Variants in KCNQ4 observed in about 807,000 individuals in gnomAD.
KCNQ4 encodes the protein potassium voltage-gated channel subfamily KQT member 4.
A neutral mutation model predicts 72.6 loss-of-function variants in KCNQ4; 31 were observed. The ratio of observed to expected loss-of-function variants is 0.43; its 90% CI spans 0.32 to 0.58. The LOEUF is 0.58. KCNQ4 is among the 20% of genes least tolerant of loss of function. The pLI is 0.08. For missense variants in KCNQ4, 869 were observed against 962.6 expected (o/e 0.90, Z 1.29); for synonymous variants, 405 against 403.7 (o/e 1.00, Z -0.04).
At position 40,817,158 on chromosome 1, in the gene KCNQ4, C is replaced by T; in HGVS notation, c.315-107C>T. 1.2e-6 allele frequency: 1 copy of T among 857,770 alleles called. No individual in the cohort carries two copies. 53.1% of individuals were successfully genotyped at this position (857,770 alleles called of 1,614,324 possible). A position where few individuals can be genotyped will look rare whatever the true frequency, so the allele number is the denominator to read the frequency against. On this transcript the variant is annotated intron_variant, in intron 1 of 13. Coordinates refer to ENST00000347132, the MANE Select transcript of KCNQ4 (RefSeq NM_004700.4). The surrounding 1 kb of genome is among the most constrained non-coding windows in gnomAD (Gnocchi z 5.5). ...CCAATTCTGATTTCCACATAATTTTCTGAAAATAATGTTCTCCTCTCTTGG... is the reference window on the plus strand; with the variant it reads ...CCAATTCTGATTTCCACATAATTTTTTGAAAATAATGTTCTCCTCTCTTGG...
intron 1 of KCNQ4, among the ~76,000 whole-genome samples, chr1:40,787,835 C>T (rs1023993131): frequency 1.3e-5 from 2 of 152,190 alleles, no homozygotes; most frequent in Admixed American, 1.3e-4. Flanking sequence ...CCCTTGCTGC[C>T]CCCTCTCAAA....
chr1:40,805,684 G>A (rs1647736706), intron 1 of KCNQ4, among the ~76,000 whole-genome samples: 1 of 152,190 alleles, frequency 6.6e-6, no homozygotes, highest in Non-Finnish European at 1.5e-5. Flanking sequence ...CTATGATAAT[G>A]CAGTGCCAAG....
At chr1:40,786,400 A>C (rs1647203375) in intron 1 of KCNQ4, among the ~76,000 whole-genome samples, 2 of 152,120 alleles carry the variant, frequency 1.3e-5, no homozygotes, top group Admixed American at 1.3e-4. Context: ...CCTCTCCAGG[A>C]GCTAATCCAC....
chr1:40,832,528 A>G (rs1332141845), intron 10 of KCNQ4, among the ~76,000 whole-genome samples: 2 of 152,210 alleles, frequency 1.3e-5, no homozygotes, highest in Admixed American at 6.5e-5. Context: ...TCTCTCATTC[A>G]GGGAAGAATG....
intron 11 of KCNQ4, among the ~76,000 whole-genome samples, chr1:40,834,485 C>T (rs577784665): frequency 1.3e-5 from 2 of 152,194 alleles, no homozygotes; most frequent in East Asian, 1.9e-4. Context: ...TGGGTCACAC[C>T]TGTAGTCCCA....
rs577823810 is a variant in KCNQ4 at position 40,834,986 on chromosome 1, G to A, written c.1633G>A (p.Ala545Thr). ...CAACAGGATTCTCAAGTTCCTGGTG[G>A]CCAAAAGGAAATTCAAGGAGACACT... is the stretch of plus-strand genomic sequence containing the variant. ...RSIRILKFLV[A>T]KRKFKETLRP... Residue 545 changes from alanine to threonine, a missense_variant, in exon 12 of 14, where the codon GCC becomes ACC. Around this residue, in one of 5 missense-constraint regions of KCNQ4, gnomAD observed 480 missense variants for 501.9 expected, o/e 0.96. Transcript: ENST00000347132. The A allele has an allele frequency of 2.5e-6, 4 of 1,613,770 alleles. No homozygotes were observed. The East Asian group carries it at 6.7e-5, about 27-fold the overall frequency.
At chr1:40,838,034 T>G (rs962272764) in intron 13 of KCNQ4, among the ~76,000 whole-genome samples, 2 of 143,052 alleles carry the variant, frequency 1.4e-5, no homozygotes, top group Non-Finnish European at 3.0e-5. Context: ...TAAGCCTACC[T>G]CAGTTCCCCC....
chr1:40,838,530 T>C lies in KCNQ4; in HGVS notation c.*7T>C, dbSNP rs537008263. 92 of 1,613,550 alleles carry C rather than the reference T, an allele frequency of 5.7e-5. No individual in the cohort carries two copies. The African/African-American group carries it at 1.2e-3, about 20-fold the overall frequency. ...CAGCACCAACATGGACTGAGGGACT[T>C]CTCAGAGGCAGGGCAGCACACGGCC... On this transcript the variant is annotated 3_prime_UTR_variant, in exon 14 of 14. Transcript: ENST00000347132.
intron 9 of KCNQ4, among the ~76,000 whole-genome samples, chr1:40,825,037 T>C (rs1420406562): frequency 6.6e-6 from 1 of 152,164 alleles, no homozygotes; most frequent in African/African-American, 2.4e-5. Context: ...AAGAGAAGAA[T>C]TTCAGGCATG....
intron 6 of KCNQ4, 42 bp downstream of exon 6, chr1:40,820,027 G>T (rs1420355228): frequency 6.4e-7 from 1 of 1,574,176 alleles, no homozygotes; most frequent in Admixed American, 1.7e-5. Context: ...GGCTGAGGGT[G>T]GGACCTGCTC....
intron 1 of KCNQ4, among the ~76,000 whole-genome samples, chr1:40,802,635 C>A (rs1647619445): frequency 6.6e-6 from 1 of 152,072 alleles, no homozygotes; most frequent in African/African-American, 2.4e-5. Context: ...AGAAGGAGCC[C>A]GGGCGGGGGA....
chr1:40,838,757 G>A lies in KCNQ4; in HGVS notation c.*234G>A. On this transcript the variant is annotated 3_prime_UTR_variant, in exon 14 of 14. Transcript: ENST00000347132. Reference sequence around the variant, plus strand: ...CGCACAGAGGGCAGCAGCAGCGGCCGTCCCGCGGCCTCTGGGCCCCCCAGT... The same window carrying A: ...CGCACAGAGGGCAGCAGCAGCGGCCATCCCGCGGCCTCTGGGCCCCCCAGT... 2 of 595,530 alleles carry A rather than the reference G, an allele frequency of 3.4e-6. No homozygotes were observed. Among genetic ancestry groups the A allele is most frequent in the East Asian group, 2.8e-5 (1 of 35,510 alleles). 36.9% of individuals were successfully genotyped at this position (595,530 alleles called of 1,614,324 possible). A position where few individuals can be genotyped will look rare whatever the true frequency, so the allele number is the denominator to read the frequency against.
rs78869992 is a variant in KCNQ4 at position 40,803,732 on chromosome 1, C to T, written c.315-13533C>T. ...TGGCTGGTCCTGGATTTGGGGTTCCCACTGGGAGCATGGCTCTCAGGGCAG... is the reference window on the plus strand; with the variant it reads ...TGGCTGGTCCTGGATTTGGGGTTCCTACTGGGAGCATGGCTCTCAGGGCAG... On this transcript the variant is annotated intron_variant, in intron 1 of 13. Coordinates refer to ENST00000347132, the MANE Select transcript of KCNQ4 (RefSeq NM_004700.4). Among the ~76,000 whole-genome samples, 41 of 152,340 alleles carry T rather than the reference C, an allele frequency of 2.7e-4. No homozygotes were observed. In the East Asian group the frequency reaches 5.0e-3, roughly 19 times the overall value.
chr1:40,804,624 CG>C (rs1188020637), intron 1 of KCNQ4, among the ~76,000 whole-genome samples: 1 of 150,998 alleles, frequency 6.6e-6, no homozygotes, highest in Non-Finnish European at 1.5e-5. Context: ...GAGACGAGCC[CG>C]GGCAACATGG....
chr1:40,795,759 C>T (rs1288970406), intron 1 of KCNQ4, among the ~76,000 whole-genome samples: 1 of 151,770 alleles, frequency 6.6e-6, no homozygotes, highest in East Asian at 1.9e-4. Flanking sequence ...TCAGGCTCCC[C>T]TGGAGGACAG....
chr1:40,806,864 T>C (rs1412640078), intron 1 of KCNQ4, among the ~76,000 whole-genome samples: 1 of 152,170 alleles, frequency 6.6e-6, no homozygotes, highest in Admixed American at 6.5e-5. Context: ...GACAATCCGA[T>C]TGGCTCAGCC....
intron 1 of KCNQ4, among the ~76,000 whole-genome samples, chr1:40,814,592 T>TA (rs1363144359): frequency 2.0e-5 from 3 of 152,040 alleles, no homozygotes; most frequent in Non-Finnish European, 2.9e-5. Flanking sequence ...TGGTCTCAGC[T>TA]ACTCAGGAGG....
Position 40,784,461 on chromosome 1 carries a change from CG to C in KCNQ4, c.314+58del. The C allele has an allele frequency of 1.9e-6, 3 of 1,552,284 alleles. No homozygotes were observed. The highest frequency in any genetic ancestry group is 2.6e-6 in the Non-Finnish European group (3 of 1,136,764). ...GTTTCCCCGCGCAAGCCTGGCCTCC[CG>C]GGGCACGGCCGCCCCGCCCTGGCTC... On this transcript the variant is annotated intron_variant, in intron 1 of 13. Transcript: ENST00000347132. The surrounding 1 kb of genome is among the most constrained non-coding windows in gnomAD (Gnocchi z 4.1).
rs550186978 is a variant in KCNQ4 at position 40,794,472 on chromosome 1, T to G, written c.314+10065T>G. On this transcript the variant is annotated intron_variant, in intron 1 of 13. Coordinates refer to ENST00000347132, the MANE Select transcript of KCNQ4 (RefSeq NM_004700.4). This position sits in a 1 kb window ranked among gnomAD's most constrained non-coding sequence, Gnocchi z 4.2. ...CTCAAAGAAGAGAAACACCACATAC[T>G]AAGTTACACAGCTTGTCTGTGGTCG... Among the ~76,000 whole-genome samples, 77 of 152,304 alleles carry G rather than the reference T, an allele frequency of 5.1e-4. No homozygotes were observed. In the South Asian group the frequency reaches 6.4e-3, roughly 13 times the overall value.
Sources: allele counts gnomAD v4.1 joint callset (sites outside exome capture counted in the v4.1 genomes callset), GRCh38; gene constraint gnomAD v4.1.1; regional missense constraint gnomAD v4.1.1; non-coding constraint Gnocchi (gnomAD v3.1); transcripts MANE v1.5; gene names NCBI Gene and HGNC (gene_info 2026-07-23, HGNC 2026-07-21).